The following ZEB1 variants were observed in gnomAD, a reference collection of about 807,000 sequenced individuals.
ZEB1 encodes zinc finger E-box-binding homeobox 1.
In ZEB1, 21 loss-of-function variants were observed where a neutral mutation model predicts 84.9. The observed-to-expected ratio is 0.25, with a 90% CI of 0.18 to 0.36. ZEB1 has a LOEUF of 0.36. Ranked by LOEUF, ZEB1 falls within the 10% of genes least tolerant of loss-of-function variation. The pLI is 1.00. For missense variants in ZEB1, 1,104 were observed against 1,330.2 expected (o/e 0.83, Z 2.65); for synonymous variants, 420 against 471.1 (o/e 0.89, Z 1.41).
intron 1 of ZEB1, among the ~76,000 whole-genome samples, chr10:31,335,140 CTCAA>C (rs1465980844): frequency 1.3e-5 from 2 of 152,072 alleles, no homozygotes; most frequent in Non-Finnish European, 2.9e-5. Flanking sequence ...GTTACCTATG[CTCAA>C]TCACAGTCCG....
chr10:31,361,562 G>A (rs948206568), intron 1 of ZEB1, among the ~76,000 whole-genome samples: 13 of 152,222 alleles, frequency 8.5e-5, no homozygotes, highest in Non-Finnish European at 1.5e-4. Flanking sequence ...CAGATGGTGA[G>A]GGGGCCGGGT....
rs202218576 is a variant in ZEB1 at position 31,502,479 on chromosome 10, A to G, written c.454A>G (p.Thr152Ala). 3.1e-6 allele frequency: 5 copies of G among 1,613,932 alleles called. No homozygotes were observed. In the Admixed American group the frequency reaches 8.3e-5, roughly 27 times the overall value. Reference protein sequence around the residue: ...EAPEEDQRQGTPEASGHDENG... With the variant: ...EAPEEDQRQGAPEASGHDENG... ...ACCTGAAGAGGACCAGAGGCAGGGC[A>G]CACCAGAAGCCAGTGGTCATGATGA... The change falls in exon 4 of 9, where the codon ACA becomes GCA. Residue 152 changes from threonine (T) to alanine (A), a missense_variant. Coordinates refer to ENST00000424869, the MANE Select transcript of ZEB1 (RefSeq NM_001174096.2).
intron 1 of ZEB1, among the ~76,000 whole-genome samples, chr10:31,446,184 A>G (rs2059744639): frequency 6.6e-6 from 1 of 152,002 alleles, no homozygotes. Context: ...TCTCTCCTAG[A>G]TTTTCTAGTT....
At chr10:31,319,793 G>A (rs1198960786) in intron 1 of ZEB1, 2 of 151,354 alleles carry the variant, frequency 1.3e-5, no homozygotes, top group Admixed American at 6.6e-5. Context: ...GCCCGGCGCT[G>A]ACCGTGCAAA....
At chr10:31,333,043 T>G (rs923909550) in intron 1 of ZEB1, among the ~76,000 whole-genome samples, 2 of 152,144 alleles carry the variant, frequency 1.3e-5, no homozygotes, top group African/African-American at 2.4e-5. Context: ...TTAAGCTGAC[T>G]TTTTTGGTGG....
At chr10:31,340,030 G>A (rs1371112424) in intron 1 of ZEB1, among the ~76,000 whole-genome samples, 2 of 152,076 alleles carry the variant, frequency 1.3e-5, no homozygotes, top group African/African-American at 4.8e-5. Context: ...GGGTATAAAC[G>A]TCATGAAATG....
chr10:31,410,187 A>G (rs528633553), intron 1 of ZEB1, among the ~76,000 whole-genome samples: 14 of 152,186 alleles, frequency 9.2e-5, no homozygotes, highest in African/African-American at 1.2e-4. Context: ...CGTTCCATCA[A>G]TACCTAGTTC....
chr10:31,319,573 C>A (rs998366962), intron 1 of ZEB1: 1 of 399,786 alleles, frequency 2.5e-6, no homozygotes, highest in Non-Finnish European at 4.4e-6. Context: ...GACCGTTAGC[C>A]GGCGCCGACG....
At chr10:31,440,807 T>C (rs113728293) in intron 1 of ZEB1, among the ~76,000 whole-genome samples, 8,021 of 152,206 alleles carry the variant, frequency 0.053, 607 homozygotes, top group East Asian at 0.18. Flanking sequence ...CCATTCACAA[T>C]TGCTTCAAAG....
intron 1 of ZEB1, chr10:31,361,058 T>TCC (rs2042965837): frequency 6.2e-7 from 1 of 1,611,358 alleles, no homozygotes; most frequent in Non-Finnish European, 8.5e-7. Context: ...ATACTCTGGA[T>TCC]AATCAGACTT....
At chr10:31,342,860 C>G (rs1165586364) in intron 1 of ZEB1, among the ~76,000 whole-genome samples, 4 of 152,050 alleles carry the variant, frequency 2.6e-5, no homozygotes, top group Non-Finnish European at 2.9e-5. Flanking sequence ...CAAATTTTAC[C>G]TGACATGCCA....
At chr10:31,459,677 C>T (rs544752775) in intron 1 of ZEB1, among the ~76,000 whole-genome samples, 2 of 151,972 alleles carry the variant, frequency 1.3e-5, no homozygotes, top group Non-Finnish European at 2.9e-5. Flanking sequence ...TGAAGAACTC[C>T]TAATATGTGA....
Position 31,465,016 on chromosome 10 carries a change from G to A in ZEB1, c.259+3779G>A, listed in dbSNP as rs148757381. Among the ~76,000 whole-genome samples, 493 of 152,172 alleles carry A rather than the reference G, an allele frequency of 3.2e-3. 3 individuals are homozygous for A. The highest frequency in any genetic ancestry group is 0.011 in the African/African-American group (455 of 41,520). On this transcript the variant is annotated intron_variant, in intron 2 of 8. Coordinates refer to ENST00000424869, the MANE Select transcript of ZEB1 (RefSeq NM_001174096.2). ...AATGAATAAGACCTACTATTTGATA[G>A]CACAATAGGGTGACTGCAGTCAATA... is the stretch of plus-strand genomic sequence containing the variant.
intron 1 of ZEB1, chr10:31,320,619 A>G (rs1564446965): frequency 6.6e-6 from 1 of 152,232 alleles, no homozygotes; most frequent in African/African-American, 2.4e-5. Context: ...GTTAAAAAAA[A>G]AGAGAGACAG....
At chr10:31,366,208 C>T (rs1382542016) in intron 1 of ZEB1, among the ~76,000 whole-genome samples, 1 of 152,216 alleles carries the variant, frequency 6.6e-6, no homozygotes, top group Non-Finnish European at 1.5e-5. Flanking sequence ...CCATCTCCTT[C>T]ATCTTGAATA....
At chr10:31,420,667 C>T (rs1257082887) in intron 1 of ZEB1, among the ~76,000 whole-genome samples, 1 of 152,086 alleles carries the variant, frequency 6.6e-6, no homozygotes, top group African/African-American at 2.4e-5. Flanking sequence ...ATAACATAAT[C>T]ACAACAGTAA....
In ZEB1 at chr10:31,389,724, T is replaced by C. The variant is rs1280621434; in HGVS notation, c.58+70432T>C. The C allele has an allele frequency of 3.3e-5, 5 of 152,162 alleles. No homozygotes were observed. The East Asian group carries it at 9.6e-4, about 29-fold the overall frequency. The allele number at this position is 152,162 out of a possible 1,614,324, so 9.4% of individuals were successfully genotyped here. A position where few individuals can be genotyped will look rare whatever the true frequency, so the allele number is the denominator to read the frequency against. On this transcript the variant is annotated intron_variant, in intron 1 of 8. Coordinates refer to ENST00000424869, the MANE Select transcript of ZEB1 (RefSeq NM_001174096.2). Reference sequence around the variant, plus strand: ...TGTAATTTTAAGTTCTTAATGGCCATATTAAGAAAATAAAAAGAGGCAAAA... The same window carrying C: ...TGTAATTTTAAGTTCTTAATGGCCACATTAAGAAAATAAAAAGAGGCAAAA...
intron 1 of ZEB1, among the ~76,000 whole-genome samples, chr10:31,322,940 G>A (rs1227846977): frequency 1.3e-5 from 2 of 152,006 alleles, no homozygotes; most frequent in Admixed American, 6.5e-5. Context: ...TCTCTCTATC[G>A]ACTGTGCTGA....
intron 3 of ZEB1, among the ~76,000 whole-genome samples, chr10:31,499,950 A>C (rs906529886): frequency 2.6e-5 from 4 of 152,094 alleles, no homozygotes; most frequent in African/African-American, 4.8e-5. Flanking sequence ...GAAAGCTAGA[A>C]TTTATTGAAG....
Sources: allele counts gnomAD v4.1 joint callset (sites outside exome capture counted in the v4.1 genomes callset), GRCh38; gene constraint gnomAD v4.1.1; transcripts MANE v1.5; gene names NCBI Gene and HGNC (gene_info 2026-07-23, HGNC 2026-07-21).